The following ADAMTSL1 variants were observed in gnomAD, a reference collection of about 807,000 sequenced individuals.
ADAMTSL1 encodes the protein ADAMTS-like protein 1.
In ADAMTSL1, 126 loss-of-function variants were observed where a neutral mutation model predicts 201.8. That is an observed-to-expected ratio of 0.62 (90% CI 0.54 to 0.72). The LOEUF (loss-of-function observed/expected upper bound fraction) is 0.72, where lower values mean the gene tolerates loss of function less well. Ranked by LOEUF, ADAMTSL1 falls within the 30% of genes least tolerant of loss-of-function variation. The pLI, the probability that ADAMTSL1 is intolerant of heterozygous loss-of-function variation, is 0.00. For missense variants in ADAMTSL1, 2,679 were observed against 2,277.8 expected (o/e 1.18, Z -3.59); for synonymous variants, 1,121 against 903.4 (o/e 1.24, Z -4.32).
At chr9:18,074,767 T>G (rs996587033) in intron 1 of ADAMTSL1, among the ~76,000 whole-genome samples, 1 of 151,932 alleles carries the variant, frequency 6.6e-6, no homozygotes, top group East Asian at 1.9e-4. Flanking sequence ...ATTTTTGTAT[T>G]TTTAGTAGAG....
intron 2 of ADAMTSL1, among the ~76,000 whole-genome samples, chr9:18,266,617 C>T (rs1832126243): frequency 6.6e-6 from 1 of 152,114 alleles, no homozygotes; most frequent in Admixed American, 6.5e-5. Context: ...AATATAAAGC[C>T]AGAACAAATT....
At chr9:18,371,204 G>T (rs1030198333) in intron 2 of ADAMTSL1, among the ~76,000 whole-genome samples, 1 of 152,068 alleles carries the variant, frequency 6.6e-6, no homozygotes, top group Non-Finnish European at 1.5e-5. Flanking sequence ...AGCCATATGT[G>T]TGTATATGCA....
At chr9:18,141,491 C>T (rs1826396822) in intron 1 of ADAMTSL1, among the ~76,000 whole-genome samples, 1 of 152,158 alleles carries the variant, frequency 6.6e-6, no homozygotes, top group Admixed American at 6.5e-5. Context: ...ACACAAGGCT[C>T]ATAGTTGGAG....
At chr9:18,527,584 C>T (rs1356306354) in intron 2 of ADAMTSL1, among the ~76,000 whole-genome samples, 1 of 152,092 alleles carries the variant, frequency 6.6e-6, no homozygotes, top group African/African-American at 2.4e-5. Flanking sequence ...GTCATTTCAC[C>T]TCTTCTCAGG....
intron 1 of ADAMTSL1, among the ~76,000 whole-genome samples, chr9:17,911,954 C>A (rs1489987370): frequency 1.9e-5 from 1 of 51,818 alleles, no homozygotes; most frequent in African/African-American, 3.5e-5. Context: ...TTTGTTCTTG[C>A]AATAGTTTAC....
intron 1 of ADAMTSL1, among the ~76,000 whole-genome samples, chr9:18,086,275 C>T (rs949725774): frequency 3.3e-5 from 5 of 152,062 alleles, no homozygotes; most frequent in Non-Finnish European, 7.3e-5. Flanking sequence ...ACAGGGACCA[C>T]CAAATAGAGG....
At chr9:18,030,468 G>A (rs549150070) in intron 1 of ADAMTSL1, among the ~76,000 whole-genome samples, 13 of 151,948 alleles carry the variant, frequency 8.6e-5, no homozygotes, top group African/African-American at 2.9e-4. Context: ...GAGTTAATGG[G>A]TGCAGCACAC....
intron 9 of ADAMTSL1, among the ~76,000 whole-genome samples, chr9:18,672,579 C>A (rs528159306): frequency 1.3e-5 from 2 of 152,188 alleles, no homozygotes; most frequent in African/African-American, 4.8e-5. Context: ...TATGAAAATG[C>A]ATAGATATGT....
In ADAMTSL1 at chr9:18,721,733, C is replaced by A. The variant is rs1564181639; in HGVS notation, c.2006+68C>A. The A allele has an allele frequency of 1.9e-6, 3 of 1,557,822 alleles. No individual in the cohort carries two copies. The South Asian group carries it at 3.6e-5, about 19-fold the overall frequency. ...AGAACTGGGCGCATCTTTCAGTGGG[C>A]AAGACTGTAACACTTATTTGTTACT... is the stretch of plus-strand genomic sequence containing the variant. On this transcript the variant is annotated intron_variant, in intron 15 of 28. Transcript: ENST00000380548.
intron 1 of ADAMTSL1, among the ~76,000 whole-genome samples, chr9:18,146,309 C>A (rs1383635738): frequency 6.6e-6 from 1 of 152,098 alleles, no homozygotes; most frequent in Non-Finnish European, 1.5e-5. Flanking sequence ...ATATTTATGG[C>A]AGCTTTATTT....
intron 4 of ADAMTSL1, among the ~76,000 whole-genome samples, chr9:18,584,622 A>G (rs1489741838): frequency 6.6e-6 from 1 of 152,164 alleles, no homozygotes; most frequent in Non-Finnish European, 1.5e-5. Context: ...TTTAACATCT[A>G]TGATAATTAA....
chr9:17,907,853 A>G (rs1200823663), intron 1 of ADAMTSL1, among the ~76,000 whole-genome samples: 2 of 152,164 alleles, frequency 1.3e-5, no homozygotes, highest in Non-Finnish European at 2.9e-5. Flanking sequence ...TACATAATTT[A>G]GCCTCCATAG....
chr9:18,662,656 T>G (rs1188432940), intron 9 of ADAMTSL1, among the ~76,000 whole-genome samples: 3 of 152,214 alleles, frequency 2.0e-5, no homozygotes, highest in Non-Finnish European at 4.4e-5. Context: ...AAGTAGAAGC[T>G]TTAAACAGGC....
intron 1 of ADAMTSL1, among the ~76,000 whole-genome samples, chr9:17,989,755 A>G (rs982218474): frequency 2.6e-5 from 4 of 151,906 alleles, no homozygotes; most frequent in African/African-American, 7.2e-5. Flanking sequence ...ATTTCTAGAA[A>G]TGGTAGTCAT....
chr9:18,528,505 G>C (rs1369963766), intron 2 of ADAMTSL1, among the ~76,000 whole-genome samples: 4 of 152,088 alleles, frequency 2.6e-5, no homozygotes, highest in East Asian at 3.9e-4. Flanking sequence ...ATGGTTTCCA[G>C]CTCCATCCAT....
At chr9:18,869,995 T>C (rs1207388898) in intron 23 of ADAMTSL1, among the ~76,000 whole-genome samples, 1 of 152,200 alleles carries the variant, frequency 6.6e-6, no homozygotes, top group Non-Finnish European at 1.5e-5. Context: ...TCAAGTTTAC[T>C]GACACTCCTG....
chr9:18,636,502 T>C (rs551704027), intron 6 of ADAMTSL1, among the ~76,000 whole-genome samples: 1 of 152,282 alleles, frequency 6.6e-6, no homozygotes, highest in Admixed American at 6.5e-5. Context: ...AAAACCATCA[T>C]GGTGTAATTA....
chr9:18,559,567 C>T (rs889422732), intron 3 of ADAMTSL1, among the ~76,000 whole-genome samples: 2 of 151,894 alleles, frequency 1.3e-5, no homozygotes, highest in Admixed American at 6.6e-5. Context: ...AGCTTGATGG[C>T]GATAGCATTG....
intron 7 of ADAMTSL1, among the ~76,000 whole-genome samples, chr9:18,655,524 T>G (rs928602992): frequency 1.3e-5 from 2 of 152,112 alleles, no homozygotes; most frequent in African/African-American, 4.8e-5. Context: ...CTCCAAGTAT[T>G]ATGATGTTAT....
Sources: allele counts gnomAD v4.1 joint callset (sites outside exome capture counted in the v4.1 genomes callset), GRCh38; gene constraint gnomAD v4.1.1; transcripts MANE v1.5; gene names NCBI Gene and HGNC (gene_info 2026-07-23, HGNC 2026-07-21).